NCKAP5: variants seen among roughly 807,000 people sequenced by gnomAD.
The protein encoded by NCKAP5 is NCK associated protein 5, also known as nck-associated protein 5.
In NCKAP5, 92 loss-of-function variants were observed where a neutral mutation model predicts 167.0. The ratio of observed to expected loss-of-function variants is 0.55; its 90% CI spans 0.47 to 0.66. The LOEUF (loss-of-function observed/expected upper bound fraction) is 0.66. NCKAP5 is among the 30% of genes least tolerant of loss of function. The pLI, the probability that NCKAP5 is intolerant of heterozygous loss-of-function variation, is 0.00. For missense variants in NCKAP5, 2,378 were observed against 2,315.0 expected, an observed-to-expected ratio of 1.03 and a Z score of -0.56; for synonymous variants, 891 against 877.4, an observed-to-expected ratio of 1.02 and a Z score of -0.27.
intron 8 of NCKAP5, among the ~76,000 whole-genome samples, chr2:132,887,352 C>T (rs201655582): frequency 0.13 from 14,306 of 112,212 alleles, 975 homozygotes; most frequent in East Asian, 0.39. Flanking sequence ...TCTATCTATC[C>T]ATCCATCCAT....
At chr2:132,714,913 C>A (rs1487129902) in intron 19 of NCKAP5, 1 of 455,996 alleles carries the variant, frequency 2.2e-6, no homozygotes, top group Admixed American at 2.4e-5. Context: ...AGCCAAAGGG[C>A]TCATGGCTTT....
intron 4 of NCKAP5, among the ~76,000 whole-genome samples, chr2:133,246,278 C>G (rs969278518): frequency 2.0e-5 from 3 of 151,838 alleles, no homozygotes; most frequent in Non-Finnish European, 4.4e-5. Context: ...AAATCACTGT[C>G]TATCCTCAAA....
At chr2:133,119,736 CAGAA>C (rs2082193733) in intron 6 of NCKAP5, among the ~76,000 whole-genome samples, 2 of 151,952 alleles carry the variant, frequency 1.3e-5, no homozygotes, top group Admixed American at 6.6e-5. Flanking sequence ...AATGATGGAA[CAGAA>C]AGAGTGTGTG....
intron 3 of NCKAP5, among the ~76,000 whole-genome samples, chr2:133,506,499 G>C (rs1466251063): frequency 6.6e-6 from 1 of 152,150 alleles, no homozygotes; most frequent in Non-Finnish European, 1.5e-5. Flanking sequence ...AGCCAGTGGA[G>C]GCACCAACAG....
upstream of NCKAP5, among the ~76,000 whole-genome samples, chr2:133,570,586 T>C (rs1688828627): frequency 6.6e-6 from 1 of 152,212 alleles, no homozygotes; most frequent in African/African-American, 2.4e-5. Context: ...CCTCTTAGAC[T>C]CTGTCCACCT....
At chr2:133,335,048 T>G (rs1431901861) in intron 3 of NCKAP5, among the ~76,000 whole-genome samples, 1 of 152,156 alleles carries the variant, frequency 6.6e-6, no homozygotes, top group Non-Finnish European at 1.5e-5. Context: ...TGCTAAGTGT[T>G]TTGCATAAAA....
At chr2:133,248,996 CAG>C (rs1471904627) in intron 4 of NCKAP5, among the ~76,000 whole-genome samples, 1 of 152,152 alleles carries the variant, frequency 6.6e-6, no homozygotes, top group Non-Finnish European at 1.5e-5. Flanking sequence ...CAGCGTCTGC[CAG>C]AGAGATGCCT....
At chr2:133,433,468 C>T (rs746380524) in intron 3 of NCKAP5, 1 of 152,168 alleles carries the variant, frequency 6.6e-6, no homozygotes, top group Non-Finnish European at 1.5e-5. Flanking sequence ...TTCCAAGAGA[C>T]CAGGAGCCTC....
chr2:133,117,077 C>T (rs1022449477), intron 6 of NCKAP5: 1 of 152,122 alleles, frequency 6.6e-6, no homozygotes, highest in Admixed American at 6.5e-5. Context: ...CTCATGGGAG[C>T]CTCAGTTTCC....
At chr2:132,684,412 C>A (rs1685667072) in intron 19 of NCKAP5, among the ~76,000 whole-genome samples, 1 of 152,170 alleles carries the variant, frequency 6.6e-6, no homozygotes, top group Non-Finnish European at 1.5e-5. Flanking sequence ...TTCACAGGGT[C>A]TTTACATTAT....
At chr2:132,837,337 T>G (rs1179191037) in intron 11 of NCKAP5, among the ~76,000 whole-genome samples, 1 of 152,196 alleles carries the variant, frequency 6.6e-6, no homozygotes, top group Non-Finnish European at 1.5e-5. Context: ...ATTTTTTTCC[T>G]ATTGTTTCTT....
At chr2:133,064,203 G>C (rs868314103) in intron 6 of NCKAP5, among the ~76,000 whole-genome samples, 9 of 152,184 alleles carry the variant, frequency 5.9e-5, no homozygotes, top group Non-Finnish European at 8.8e-5. Context: ...TAAATAAAAT[G>C]TCATCAGGGA....
intron 19 of NCKAP5, among the ~76,000 whole-genome samples, chr2:132,716,891 G>A (rs538662446): frequency 2.1e-4 from 32 of 152,276 alleles, no homozygotes; most frequent in African/African-American, 7.7e-4. Flanking sequence ...AGGGCACAGT[G>A]GGTTCTTTCT....
chr2:133,201,713 A>T (rs1434613491), intron 5 of NCKAP5, among the ~76,000 whole-genome samples: 2 of 152,160 alleles, frequency 1.3e-5, no homozygotes, highest in Non-Finnish European at 2.9e-5. Flanking sequence ...ACAATTTCTT[A>T]AAGTAAAATG....
intron 4 of NCKAP5, among the ~76,000 whole-genome samples, chr2:133,280,974 CA>C (rs2089914464): frequency 6.6e-6 from 1 of 152,100 alleles, no homozygotes; most frequent in Non-Finnish European, 1.5e-5. Flanking sequence ...TGCATACTTT[CA>C]AAAAACTATT....
At chr2:133,172,746 C>T (rs2084302471) in intron 5 of NCKAP5, among the ~76,000 whole-genome samples, 2 of 152,284 alleles carry the variant, frequency 1.3e-5, no homozygotes, top group Middle Eastern at 3.4e-3. Flanking sequence ...CTCCCGGGTT[C>T]ATGCCATTCT....
intron 3 of NCKAP5, among the ~76,000 whole-genome samples, chr2:133,379,055 C>A (rs957489823): frequency 3.9e-5 from 6 of 152,168 alleles, no homozygotes; most frequent in Non-Finnish European, 7.4e-5. Flanking sequence ...AGCACTGCCT[C>A]GTCAATAATG....
At chr2:133,149,162 G>GT (rs1387159897) in intron 5 of NCKAP5, among the ~76,000 whole-genome samples, 1 of 152,114 alleles carries the variant, frequency 6.6e-6, no homozygotes, top group Admixed American at 6.6e-5. Context: ...TTAGCCTTCT[G>GT]TTAACAGACA....
chr2:132,924,330 T>C (rs1412996226), intron 8 of NCKAP5, among the ~76,000 whole-genome samples: 6 of 152,144 alleles, frequency 3.9e-5, no homozygotes, highest in African/African-American at 1.4e-4. Flanking sequence ...AAAAAGACGA[T>C]GTCGTAGATG....
Sources: allele counts gnomAD v4.1 joint callset (sites outside exome capture counted in the v4.1 genomes callset), GRCh38; gene constraint gnomAD v4.1.1; transcripts MANE v1.5; gene names NCBI Gene and HGNC (gene_info 2026-07-23, HGNC 2026-07-21).